Variants in MRPS9 observed in about 807,000 individuals in gnomAD.
The protein encoded by MRPS9 is small ribosomal subunit protein uS9m.
In MRPS9, 45 loss-of-function variants were observed where a neutral mutation model predicts 59.9. The ratio of observed to expected loss-of-function variants is 0.75; its 90% CI spans 0.59 to 0.96. MRPS9 has a LOEUF of 0.96. MRPS9 is among the 40% of genes least tolerant of loss of function. MRPS9 has a pLI of 0.00. For synonymous variants in MRPS9, 171 were observed against 166.8 expected (o/e 1.03, Z -0.19); for missense variants, 473 against 481.1 (o/e 0.98, Z 0.16).
At chr2:105,079,887 A>G (rs1262112061) in intron 4 of MRPS9, 96 bp from the exon 5 acceptor site, 7 of 674,760 alleles carry the variant, frequency 1.0e-5, no homozygotes, top group Non-Finnish European at 1.5e-5. Flanking sequence ...TTTATTACTC[A>G]ATTATAAATG....
At chr2:105,079,090 G>C (rs868392632) in intron 4 of MRPS9, among the ~76,000 whole-genome samples, 3 of 152,024 alleles carry the variant, frequency 2.0e-5, no homozygotes, top group Non-Finnish European at 4.4e-5. Flanking sequence ...TTCATGGGAT[G>C]AATCATGAAA....
At chr2:105,062,082 G>A (rs769020579) in intron 2 of MRPS9, among the ~76,000 whole-genome samples, 2 of 152,130 alleles carry the variant, frequency 1.3e-5, no homozygotes, top group Non-Finnish European at 1.5e-5. Context: ...GATTGGGAAA[G>A]TGAAGGCTTT....
intron 1 of MRPS9, 168 bp downstream of exon 1, chr2:105,038,395 A>G (rs1679432455): frequency 1.3e-6 from 1 of 798,022 alleles, no homozygotes. Context: ...ATTGGCGTGC[A>G]GTAGCCGCTC....
intron 10 of MRPS9, chr2:105,098,507 A>G (rs191395460): frequency 4.6e-5 from 7 of 152,368 alleles, no homozygotes; most frequent in African/African-American, 1.7e-4. Flanking sequence ...TATGGGATTC[A>G]TATCTAGTCA....
intron 4 of MRPS9, among the ~76,000 whole-genome samples, chr2:105,079,698 A>G (rs1303697807): frequency 1.3e-5 from 2 of 152,166 alleles, no homozygotes; most frequent in African/African-American, 2.4e-5. Flanking sequence ...GGGCTATTTT[A>G]TAAGCTTTTA....
chr2:105,049,519 C>T (rs975741807), intron 2 of MRPS9, among the ~76,000 whole-genome samples, 169 bp downstream of exon 2: 1 of 152,160 alleles, frequency 6.6e-6, no homozygotes, highest in Non-Finnish European at 1.5e-5. Context: ...GACAAATGTG[C>T]AGGATTTACT....
rs368660895 is a variant in MRPS9, at chr2:105,097,302, C to T, written c.1077C>T (p.Asp359=). The change falls in exon 10 of 11, where the codon GAC becomes GAT. Residue 359 remains aspartate (D), a synonymous_variant. Transcript: ENST00000258455. ...CCTTGTGCAGCTTTGTCACCGAGGA[C>T]GAGGTCGAGTGGATGAGACAAGGTA... ...AKALCSFVTE[D]EVEWMRQAGL... is the part of the protein sequence containing the mutation. The T allele has an allele frequency of 4.3e-5, 69 of 1,607,182 alleles. No individual in the cohort carries two copies. The highest frequency in any genetic ancestry group is 6.8e-5 in the Admixed American group (4 of 59,016).
intron 8 of MRPS9, among the ~76,000 whole-genome samples, chr2:105,093,173 T>C (rs555967100): frequency 1.3e-5 from 2 of 152,306 alleles, no homozygotes; most frequent in African/African-American, 2.4e-5. Context: ...CTAAAACTTA[T>C]GTTGTTAGAT....
intron 5 of MRPS9, among the ~76,000 whole-genome samples, chr2:105,084,976 A>G (rs1163630571): frequency 2.0e-5 from 3 of 152,210 alleles, no homozygotes; most frequent in Non-Finnish European, 2.9e-5. Context: ...ACTATAATAT[A>G]TGATGGGCCT....
chr2:105,059,569 T>G (rs188079864), intron 2 of MRPS9, among the ~76,000 whole-genome samples: 1 of 149,920 alleles, frequency 6.7e-6, no homozygotes, highest in Non-Finnish European at 1.5e-5. Context: ...TCATTTTTTG[T>G]TTTTTTTGTT....
chr2:105,041,137 T>C (rs1394486133), intron 1 of MRPS9, among the ~76,000 whole-genome samples: 1 of 152,166 alleles, frequency 6.6e-6, no homozygotes, highest in Non-Finnish European at 1.5e-5. Context: ...CAAATGAAAA[T>C]AGTGTTAGCA....
intron 4 of MRPS9, among the ~76,000 whole-genome samples, chr2:105,075,230 CA>C (rs759881279): frequency 1.3e-5 from 2 of 152,168 alleles, no homozygotes; most frequent in Non-Finnish European, 2.9e-5. Context: ...TCTATAAATA[CA>C]GATGAAGCTA....
At chr2:105,088,199 T>C (rs1680487693) in intron 5 of MRPS9, among the ~76,000 whole-genome samples, 1 of 152,174 alleles carries the variant, frequency 6.6e-6, no homozygotes, top group Non-Finnish European at 1.5e-5. Context: ...TGGTAGGTTA[T>C]GTGTAAATTA....
chr2:105,093,323 C>T (rs1246136602), intron 8 of MRPS9, among the ~76,000 whole-genome samples: 4 of 152,098 alleles, frequency 2.6e-5, no homozygotes, highest in African/African-American at 9.7e-5. Flanking sequence ...AATTGAAGAA[C>T]AAAATTACCC....
intron 1 of MRPS9, among the ~76,000 whole-genome samples, chr2:105,046,348 A>G (rs1363624634): frequency 1.3e-5 from 2 of 151,988 alleles, no homozygotes; most frequent in South Asian, 2.1e-4. Context: ...CTTTCTGCCT[A>G]CCTTCCCTCA....
intron 2 of MRPS9, among the ~76,000 whole-genome samples, chr2:105,065,875 G>A (rs1156560413): frequency 2.0e-5 from 3 of 152,270 alleles, no homozygotes; most frequent in African/African-American, 4.8e-5. Context: ...TGAAAGTTAA[G>A]CAGACACAGA....
chr2:105,053,882 C>G (rs1435437274), intron 2 of MRPS9, among the ~76,000 whole-genome samples: 1 of 152,096 alleles, frequency 6.6e-6, no homozygotes, highest in Non-Finnish European at 1.5e-5. Flanking sequence ...ATTAAGTAAT[C>G]AAATCATGAA....
intron 7 of MRPS9, 104 bp downstream of exon 7, chr2:105,090,099 C>A: frequency 3.8e-6 from 2 of 532,812 alleles, no homozygotes; most frequent in Non-Finnish European, 3.2e-6. Flanking sequence ...GGCAGGTGTT[C>A]CTACGATGAC....
At chr2:105,044,137 T>C (rs553965381) in intron 1 of MRPS9, among the ~76,000 whole-genome samples, 3 of 152,076 alleles carry the variant, frequency 2.0e-5, no homozygotes, top group African/African-American at 7.2e-5. Flanking sequence ...GGTTTCACCA[T>C]GTTGGCCAGG....
Sources: gnomAD v4.1 joint callset for allele counts (sites outside exome capture counted in the v4.1 genomes callset) on GRCh38, gnomAD v4.1.1 for gene constraint, MANE v1.5 for transcripts, NCBI Gene and HGNC (gene_info 2026-07-23, HGNC 2026-07-21) for gene names.